Variants in C15orf40 observed in about 807,000 individuals in gnomAD.
C15orf40 encodes the protein UPF0235 protein C15orf40.
C15orf40 carries 9 observed loss-of-function variants against 13.9 expected under a neutral mutation model. The ratio of observed to expected loss-of-function variants is 0.65; its 90% CI spans 0.39 to 1.13. C15orf40 has a LOEUF of 1.13. Ranked by LOEUF, C15orf40 falls within the 50% of genes most tolerant of loss-of-function variation. The pLI is 0.01. For synonymous variants in C15orf40, 95 were observed against 69.2 expected (o/e 1.37, Z -1.85); for missense variants, 225 against 188.5 (o/e 1.19, Z -1.13).
rs530697815 is a variant in C15orf40, at chr15:83,006,540, A to T, written c.367-848T>A. 101 of 887,134 alleles carry T rather than the reference A, an allele frequency of 1.1e-4. No individual in the cohort carries two copies. In the African/African-American group the frequency reaches 1.8e-3, roughly 15 times the overall value. The allele number at this position is 887,134 out of a possible 1,614,324, so 55.0% of individuals were successfully genotyped here. ...TCTGGGAGGCTGAGGCGGGTGGATC[A>T]CCTGAGGTCAGGAGTTCGAGACCAG... On this transcript the variant is annotated intron_variant, in intron 3 of 3. Coordinates refer to ENST00000304177, the MANE Select transcript of C15orf40 (RefSeq NM_144597.3).
Position 83,003,537 on chromosome 15 carries a change from G to A in C15orf40, c.*2060C>T, listed in dbSNP as rs1422749729. 6.6e-6 allele frequency: 1 copy of A among 152,228 alleles called. No individual in the cohort carries two copies. The highest frequency in any genetic ancestry group is 2.4e-5 in the African/African-American group (1 of 41,438). The allele number at this position is 152,228 out of a possible 1,614,324, so 9.4% of individuals were successfully genotyped here. ...CACATGGCAATGGTCTTGAGAAAGA[G>A]TGGGAAAAGCTCTTAAGACCATGTA... is the stretch of plus-strand genomic sequence containing the variant. On this transcript the variant is annotated 3_prime_UTR_variant, in exon 4 of 4. Coordinates refer to ENST00000304177, the MANE Select transcript of C15orf40 (RefSeq NM_144597.3).
At position 83,004,862 on chromosome 15, in the gene C15orf40, G is replaced by T; in HGVS notation, c.*735C>A. ...CCCAGAATTCCAGAACCGTTGTGGA[G>T]ATATGATTTTTAATTTACAATCTAG... is the stretch of plus-strand genomic sequence containing the variant. On this transcript the variant is annotated 3_prime_UTR_variant, in exon 4 of 4. Coordinates refer to ENST00000304177, the MANE Select transcript of C15orf40 (RefSeq NM_144597.3). 4 of 1,303,036 alleles carry T rather than the reference G, an allele frequency of 3.1e-6. No homozygotes were observed. The highest frequency in any genetic ancestry group is 4.1e-6 in the Non-Finnish European group (4 of 987,636). The allele number at this position is 1,303,036 out of a possible 1,614,324, so 80.7% of individuals were successfully genotyped here. A position where few individuals can be genotyped will look rare whatever the true frequency, so the allele number is the denominator to read the frequency against.
rs1377137126 is a variant in C15orf40, at chr15:83,005,301, G to A, written c.*296C>T. The A allele has an allele frequency of 4.0e-6, 4 of 987,914 alleles. No individual in the cohort carries two copies. Among genetic ancestry groups the A allele is most frequent in the Admixed American group, 5.6e-5 (1 of 17,790 alleles). 61.2% of individuals were successfully genotyped at this position (987,914 alleles called of 1,614,324 possible). A position where few individuals can be genotyped will look rare whatever the true frequency, so the allele number is the denominator to read the frequency against. On this transcript the variant is annotated 3_prime_UTR_variant, in exon 4 of 4. Transcript: ENST00000304177. ...GTATTTTTTATTTCTTTTTTTTCGG[G>A]GGGAGAGAGTTTCACTCTTGTTGCC...
rs74889982 is a variant in C15orf40 at position 83,004,258 on chromosome 15, G to A, written c.*1339C>T. ...TCCAAAGCGCTGGGATTACAGGCGT[G>A]AGCCACCAAGCCCAGCTACCATCAG... On this transcript the variant is annotated 3_prime_UTR_variant, in exon 4 of 4. Coordinates refer to ENST00000304177, the MANE Select transcript of C15orf40 (RefSeq NM_144597.3). 1.1e-6 allele frequency: 1 copy of A among 933,620 alleles called. No individual in the cohort carries two copies. The highest frequency in any genetic ancestry group is 1.2e-4 in the East Asian group (1 of 8,596). The allele number at this position is 933,620 out of a possible 1,614,324, so 57.8% of individuals were successfully genotyped here. A position where few individuals can be genotyped will look rare whatever the true frequency, so the allele number is the denominator to read the frequency against.
rs2031405127 is a variant in C15orf40, at chr15:83,001,267, A to T, written c.*4330T>A. 8.1e-6 allele frequency: 8 copies of T among 985,470 alleles called. No homozygotes were observed. The highest frequency in any genetic ancestry group is 9.6e-6 in the Non-Finnish European group (8 of 829,952). 61.0% of individuals were successfully genotyped at this position (985,470 alleles called of 1,614,324 possible). On this transcript the variant is annotated 3_prime_UTR_variant, in exon 4 of 4. Transcript: ENST00000304177. ...ATGAGCCAGGCTGTTCTTTCCCAGGATCTGTCGAAGTACAGCATAGGCAAA... is the reference window on the plus strand; with the variant it reads ...ATGAGCCAGGCTGTTCTTTCCCAGGTTCTGTCGAAGTACAGCATAGGCAAA...
At chr15:83,010,633 C>T in intron 1 of C15orf40, 1 of 344,316 alleles carries the variant, frequency 2.9e-6, no homozygotes, top group Admixed American at 4.5e-5. Flanking sequence ...TTGCTCCTCC[C>T]TCTGCTTTGT....
At position 83,000,092 on chromosome 15, in the gene C15orf40, C is replaced by T. The variant is rs1227860102; in HGVS notation, c.*5505G>A. The T allele has an allele frequency of 1.3e-5, 2 of 152,166 alleles. No individual in the cohort carries two copies. Among genetic ancestry groups the T allele is most frequent in the East Asian group, 3.9e-4 (2 of 5,194 alleles). The allele number at this position is 152,166 out of a possible 1,614,324, so 9.4% of individuals were successfully genotyped here. ...ATGGTCATAGCTCCCTTACCCTGGC[C>T]CCTAATTTCCCTGGCTCTGATTCCA... On this transcript the variant is annotated 3_prime_UTR_variant, in exon 4 of 4. Transcript: ENST00000304177.
rs1407021359 is a variant in C15orf40, at chr15:82,996,204, T to A, written c.*9393A>T. ...TGATGATCTCATGGTTTTTTTCCAC[T>A]GCTCGTGCCTTTAACTCCCTAAAGA... On this transcript the variant is annotated 3_prime_UTR_variant, in exon 4 of 4. Transcript: ENST00000304177. The A allele has an allele frequency of 6.6e-6, 1 of 152,238 alleles. No individual in the cohort carries two copies. Among genetic ancestry groups the A allele is most frequent in the East Asian group, 1.9e-4 (1 of 5,202 alleles). 9.4% of individuals were successfully genotyped at this position (152,238 alleles called of 1,614,324 possible).
rs766406919 is a variant in C15orf40, at chr15:83,005,707, A to G, written c.367-15T>C. The G allele has an allele frequency of 6.2e-7, 1 of 1,609,328 alleles. No individual in the cohort carries two copies. Among genetic ancestry groups the G allele is most frequent in the East Asian group, 2.2e-5 (1 of 44,724 alleles). On this transcript the variant is annotated splice_polypyrimidine_tract_variant and intron_variant, in intron 3 of 3. Transcript: ENST00000304177. ...GATTTACCACCCTGGACCAAAAGAG[A>G]AAAAGCATACTTTACTGTTTAGCAC...
intron 1 of C15orf40, 145 bp downstream of exon 1, chr15:83,011,352 G>T (rs2031999286): frequency 1.2e-6 from 1 of 868,330 alleles, no homozygotes; most frequent in African/African-American, 1.8e-5. Flanking sequence ...CTCTGGGGGT[G>T]GCGGCGGCTG....
chr15:82,994,331 T>A (rs1194924380), downstream of C15orf40, among the ~76,000 whole-genome samples: 1 of 147,762 alleles, frequency 6.8e-6, no homozygotes, highest in Non-Finnish European at 1.5e-5. Flanking sequence ...TTCCTAAATA[T>A]AATGTTTTTT....
In C15orf40 at chr15:83,005,031, T is replaced by G; in HGVS notation, c.*566A>C. 1 of 1,225,302 alleles carries G rather than the reference T, an allele frequency of 8.2e-7. No individual in the cohort carries two copies. Among genetic ancestry groups the G allele is most frequent in the Non-Finnish European group, 1.1e-6 (1 of 939,478 alleles). The allele number at this position is 1,225,302 out of a possible 1,614,324, so 75.9% of individuals were successfully genotyped here. Reference sequence around the variant, plus strand: ...ATGAAAGGTGTTAAATCAGGTCATCTTGAATATTCTTCCCAGCTCTGTTAT... The same window carrying G: ...ATGAAAGGTGTTAAATCAGGTCATCGTGAATATTCTTCCCAGCTCTGTTAT... On this transcript the variant is annotated 3_prime_UTR_variant, in exon 4 of 4. Coordinates refer to ENST00000304177, the MANE Select transcript of C15orf40 (RefSeq NM_144597.3).
downstream of C15orf40, chr15:82,989,159 T>C (rs1870148532): frequency 3.1e-6 from 5 of 1,612,966 alleles, no homozygotes; most frequent in Non-Finnish European, 4.2e-6. Context: ...ATAGCAGAGC[T>C]GGTGGGAACC....
downstream of C15orf40, chr15:82,990,079 G>A: frequency 7.9e-7 from 1 of 1,263,872 alleles, no homozygotes; most frequent in Non-Finnish European, 1.1e-6. Context: ...AGAAATGTTG[G>A]CAGCTTTTAG....
chr15:83,004,913 A>C lies in C15orf40; in HGVS notation c.*684T>G. ...AAAAACTGCATTCAACAAGTAGTCC[A>C]AGGATTTGGGTTCTAGTTGCCAGCT... On this transcript the variant is annotated 3_prime_UTR_variant, in exon 4 of 4. Coordinates refer to ENST00000304177, the MANE Select transcript of C15orf40 (RefSeq NM_144597.3). 7.7e-7 allele frequency: 1 copy of C among 1,304,700 alleles called. No homozygotes were observed. Among genetic ancestry groups the C allele is most frequent in the Non-Finnish European group, 1.0e-6 (1 of 988,412 alleles). The allele number at this position is 1,304,700 out of a possible 1,614,324, so 80.8% of individuals were successfully genotyped here.
At chr15:83,008,401 C>A in intron 3 of C15orf40, 147 bp downstream of exon 3, 1 of 749,624 alleles carries the variant, frequency 1.3e-6, no homozygotes, top group Non-Finnish European at 2.2e-6. Context: ...CGCCTATAAT[C>A]CCAGCTACTC....
rs757709220 is a variant in C15orf40 at position 82,996,239 on chromosome 15, C to T, written c.*9358G>A. 1 of 152,308 alleles carries T rather than the reference C, an allele frequency of 6.6e-6. No individual in the cohort carries two copies. The highest frequency in any genetic ancestry group is 1.5e-5 in the Non-Finnish European group (1 of 68,040). 9.4% of individuals were successfully genotyped at this position (152,308 alleles called of 1,614,324 possible). A position where few individuals can be genotyped will look rare whatever the true frequency, so the allele number is the denominator to read the frequency against. On this transcript the variant is annotated 3_prime_UTR_variant, in exon 4 of 4. Transcript: ENST00000304177. ...TTTAACTCCCTAAAGAATCTCCAGT[C>T]TCTTTGTCTGAATTAGGTAAATAAA...
At chr15:82,991,839 G>A, downstream of C15orf40, 1 of 1,247,836 alleles carries the variant, frequency 8.0e-7, no homozygotes, top group Middle Eastern at 2.2e-4. Context: ...ATAAAGATAG[G>A]ATTTGATACT....
downstream of C15orf40, among the ~76,000 whole-genome samples, chr15:82,992,681 T>G (rs2030912548): frequency 6.6e-6 from 1 of 152,196 alleles, no homozygotes; most frequent in East Asian, 1.9e-4. Flanking sequence ...GGAGGAGTAC[T>G]TCTCAGGAAG....
Sources: allele counts gnomAD v4.1 joint callset (sites outside exome capture counted in the v4.1 genomes callset), GRCh38; gene constraint gnomAD v4.1.1; transcripts MANE v1.5; gene names NCBI Gene and HGNC (gene_info 2026-07-23, HGNC 2026-07-21).